The following SDK2 variants were observed in gnomAD, a reference collection of about 807,000 sequenced individuals.
The protein encoded by SDK2 is protein sidekick-2.
In SDK2, 105 loss-of-function variants were observed where a neutral mutation model predicts 253.9. That is an observed-to-expected ratio of 0.41 (90% CI 0.35 to 0.49). The LOEUF (loss-of-function observed/expected upper bound fraction) is 0.49, where lower values mean the gene tolerates loss of function less well. Ranked by LOEUF, SDK2 falls within the 20% of genes least tolerant of loss-of-function variation. The pLI is 0.06. For missense variants in SDK2, 2,608 were observed against 3,003.0 expected (o/e 0.87, Z 3.07); for synonymous variants, 1,249 against 1,234.9 (o/e 1.01, Z -0.24).
rs1276686204 is a variant in SDK2, at chr17:73,602,533, T to A, written c.64+41492A>T. ...AAAAAAGTCTAAGTTCTTTTTTTTTTTTTTAATGAAGTTCCTTTGCAGAAT... is the reference window on the plus strand; with the variant it reads ...AAAAAAGTCTAAGTTCTTTTTTTTTATTTTAATGAAGTTCCTTTGCAGAAT... On this transcript the variant is annotated intron_variant, in intron 1 of 44. Coordinates refer to ENST00000392650, the MANE Select transcript of SDK2 (RefSeq NM_001144952.2). 3.3e-5 allele frequency among the ~76,000 whole-genome samples: 5 copies of A among 151,958 alleles called. No homozygotes were observed. In the East Asian group the frequency reaches 9.6e-4, roughly 29 times the overall value.
chr17:73,339,057 T>G (rs568083914), intron 44 of SDK2, 117 bp from the exon 45 acceptor site: 1 of 925,498 alleles, frequency 1.1e-6, no homozygotes, highest in East Asian at 2.6e-5. Context: ...CTTTCAAGAC[T>G]TGGACTGTGG....
chr17:73,365,142 G>C, intron 38 of SDK2, 116 bp downstream of exon 38: 1 of 722,954 alleles, frequency 1.4e-6, no homozygotes, highest in East Asian at 3.1e-5. Flanking sequence ...GTGTTTATAA[G>C]ATGGGGAGAC....
intron 1 of SDK2, among the ~76,000 whole-genome samples, chr17:73,613,381 T>C (rs1292423068): frequency 2.8e-5 from 1 of 35,524 alleles, no homozygotes; most frequent in Admixed American, 3.2e-4. Flanking sequence ...CAGGTCCCCC[T>C]GGCCCCAGGC....
intron 1 of SDK2, among the ~76,000 whole-genome samples, chr17:73,603,174 C>G (rs1487030602): frequency 1.3e-5 from 2 of 152,190 alleles, no homozygotes; most frequent in Admixed American, 6.5e-5. Context: ...CCTGCTGAGA[C>G]CACCTTGTGC....
intron 36 of SDK2, among the ~76,000 whole-genome samples, chr17:73,377,811 C>T (rs1478646256): frequency 6.6e-6 from 1 of 151,834 alleles, no homozygotes; most frequent in Admixed American, 6.6e-5. Flanking sequence ...GGGGTTTCAC[C>T]ATGTTGGTCA....
rs527501596 is a variant in SDK2 at position 73,611,091 on chromosome 17, C to T, written c.64+32934G>A. Among the ~76,000 whole-genome samples, 63 of 152,334 alleles carry T rather than the reference C, an allele frequency of 4.1e-4. 1 individual carries two copies. Among genetic ancestry groups the T allele is most frequent in the African/African-American group, 1.4e-3 (58 of 41,576 alleles). On this transcript the variant is annotated intron_variant, in intron 1 of 44. Transcript: ENST00000392650. Reference sequence around the variant, plus strand: ...AGTCATCGTGCCCTAGGTCGTGCTGCGATTTTGCAAGAGACCAGGGGCTCC... The same window carrying T: ...AGTCATCGTGCCCTAGGTCGTGCTGTGATTTTGCAAGAGACCAGGGGCTCC...
chr17:73,461,625 G>A (rs114926833), intron 3 of SDK2, among the ~76,000 whole-genome samples: 1,534 of 152,258 alleles, frequency 0.01, 12 homozygotes, highest in African/African-American at 0.031. Flanking sequence ...GTGGATGGAT[G>A]GATGTTTGGA....
chr17:73,643,962 C>CCCCCCCCCCCCCCCCCCCCCA lies in SDK2; in HGVS notation c.64+62_64+63insTGGGGGGGGGGGGGGGGGGGG. The CCCCCCCCCCCCCCCCCCCCCA allele has an allele frequency of 2.5e-6, 2 of 802,558 alleles. No individual in the cohort carries two copies. Among genetic ancestry groups the CCCCCCCCCCCCCCCCCCCCCA allele is most frequent in the Non-Finnish European group, 4.1e-6 (2 of 485,014 alleles). 49.7% of individuals were successfully genotyped at this position (802,558 alleles called of 1,614,324 possible). A position where few individuals can be genotyped will look rare whatever the true frequency, so the allele number is the denominator to read the frequency against. ...TCACCGTGAGGCCGGCCAGCTCCCG[C>CCCCCCCCCCCCCCCCCCCCCA]CGCCCCTCCCCCGCCCACTCTCCCA... On this transcript the variant is annotated intron_variant, in intron 1 of 44. Transcript: ENST00000392650. The surrounding 1 kb of genome is among the most constrained non-coding windows in gnomAD (Gnocchi z 6.9).
chr17:73,609,598 GAGA>G lies in SDK2; in HGVS notation c.64+34424_64+34426del, dbSNP rs1448659785. On this transcript the variant is annotated intron_variant, in intron 1 of 44. Coordinates refer to ENST00000392650, the MANE Select transcript of SDK2 (RefSeq NM_001144952.2). The surrounding 1 kb of genome is among the most constrained non-coding windows in gnomAD (Gnocchi z 4.4). Reference sequence around the variant, plus strand: ...GAAGCTGACAGGGAAAACGGCTCAAGAGAAGGTTTGTTTTTTCAAGATGGGAGA... The same window carrying G: ...GAAGCTGACAGGGAAAACGGCTCAAGAGGTTTGTTTTTTCAAGATGGGAGA... Among the ~76,000 whole-genome samples the G allele has an allele frequency of 1.3e-5, 2 of 152,208 alleles. No individual in the cohort carries two copies. The highest frequency in any genetic ancestry group is 4.8e-5 in the African/African-American group (2 of 41,452).
At chr17:73,523,941 A>G (rs1744736173) in intron 1 of SDK2, among the ~76,000 whole-genome samples, 1 of 152,184 alleles carries the variant, frequency 6.6e-6, no homozygotes, top group Non-Finnish European at 1.5e-5. Flanking sequence ...TCATTTCTGT[A>G]CCTTCAGTCC....
Position 73,435,442 on chromosome 17 carries a change from C to A in SDK2, c.1195+8G>T. 1 of 1,583,268 alleles carries A rather than the reference C, an allele frequency of 6.3e-7. No homozygotes were observed. Among genetic ancestry groups the A allele is most frequent in the East Asian group, 2.3e-5 (1 of 43,366 alleles). ...CTCACGGGCAGCACAAGGGAAGGCC[C>A]AACTTACTGGTGACAGCCAGGTAGG... On this transcript the variant is annotated splice_region_variant and intron_variant, in intron 9 of 44. Transcript: ENST00000392650. This position sits in a 1 kb window ranked among gnomAD's most constrained non-coding sequence, Gnocchi z 5.7.
rs371242185 is a variant in SDK2 at position 73,398,478 on chromosome 17, G to C, written c.3094-49C>G. 3.6e-5 allele frequency: 55 copies of C among 1,511,502 alleles called. No homozygotes were observed. In the African/African-American group the frequency reaches 6.6e-4, roughly 18 times the overall value. 93.6% of individuals were successfully genotyped at this position (1,511,502 alleles called of 1,614,324 possible). On this transcript the variant is annotated intron_variant, in intron 22 of 44. Coordinates refer to ENST00000392650, the MANE Select transcript of SDK2 (RefSeq NM_001144952.2). ...CCTGTCCAGCCTACAGGGCCCACAC[G>C]GGGTGCTCCGAGCCCCAGTACAAGC... is the stretch of plus-strand genomic sequence containing the variant.
chr17:73,386,357 G>GGAGGCCCC, intron 31 of SDK2, 88 bp downstream of exon 31: 1 of 959,844 alleles, frequency 1.0e-6, no homozygotes, highest in Non-Finnish European at 1.6e-6. Context: ...TCTCATCTTT[G>GGAGGCCCC]GAGGCCCCTC....
intron 4 of SDK2, among the ~76,000 whole-genome samples, chr17:73,453,370 G>GTTTTTTTTTTT (rs34814268): frequency 2.1e-5 from 3 of 141,226 alleles, no homozygotes; most frequent in Non-Finnish European, 1.5e-5. Context: ...CTGAGCTGGG[G>GTTTTTTTTTTT]TTTTTTTTTT....
intron 1 of SDK2, among the ~76,000 whole-genome samples, chr17:73,610,862 T>C (rs1599724337): frequency 6.6e-6 from 1 of 152,088 alleles, no homozygotes; most frequent in East Asian, 1.9e-4. Flanking sequence ...TGTGTGTGTA[T>C]GAGAGACAGA....
chr17:73,572,475 TC>T (rs1233437089), intron 1 of SDK2, among the ~76,000 whole-genome samples: 1 of 137,122 alleles, frequency 7.3e-6, no homozygotes, highest in East Asian at 2.1e-4. Flanking sequence ...AGCCCTGCCC[TC>T]CCTTCCTCTC....
At position 73,424,142 on chromosome 17, in the gene SDK2, G is replaced by T. The variant is rs563822762; in HGVS notation, c.1584-50C>A. ...TACAGAGGGAGAGGAAGGTACCTTG[G>T]GAGTGGGCCTAGCCTGAAGCTTGTC... On this transcript the variant is annotated intron_variant, in intron 12 of 44. Transcript: ENST00000392650. The T allele has an allele frequency of 2.3e-4, 343 of 1,508,534 alleles. 8 individuals are homozygous for T. In the South Asian group the frequency reaches 2.7e-3, roughly 12 times the overall value. 93.4% of individuals were successfully genotyped at this position (1,508,534 alleles called of 1,614,324 possible).
chr17:73,579,704 C>A (rs890476551), intron 1 of SDK2, among the ~76,000 whole-genome samples: 1 of 152,274 alleles, frequency 6.6e-6, no homozygotes, highest in African/African-American at 2.4e-5. Flanking sequence ...AGGCTGGACG[C>A]GGTGGCTCAC....
At chr17:73,408,732 GAA>G (rs1279119776) in intron 18 of SDK2, among the ~76,000 whole-genome samples, 2 of 152,104 alleles carry the variant, frequency 1.3e-5, no homozygotes, top group African/African-American at 2.4e-5. Context: ...AAGGGAGAGA[GAA>G]AGAGAGAGAG....
Sources: allele counts gnomAD v4.1 joint callset (sites outside exome capture counted in the v4.1 genomes callset), GRCh38; gene constraint gnomAD v4.1.1; non-coding constraint Gnocchi (gnomAD v3.1); transcripts MANE v1.5; gene names NCBI Gene and HGNC (gene_info 2026-07-23, HGNC 2026-07-21).